Variants in FUNDC2 observed in about 807,000 individuals in gnomAD.
FUNDC2 encodes FUN14 domain-containing protein 2.
FUNDC2 carries 4 observed loss-of-function variants against 15.6 expected under a neutral mutation model. That is an observed-to-expected ratio of 0.26 (90% CI 0.13 to 0.59). The LOEUF is 0.59. FUNDC2 is among the 20% of genes least tolerant of loss of function. FUNDC2 has a pLI of 0.90. For synonymous variants in FUNDC2, 44 were observed against 56.9 expected (o/e 0.77, Z 1.02); for missense variants, 98 against 149.7 (o/e 0.65, Z 1.80).
intron 2 of FUNDC2, among the ~76,000 whole-genome samples, chrX:155,034,787 G>A (rs974570357): frequency 8.9e-6 from 1 of 111,983 alleles, no homozygotes; most frequent in Non-Finnish European, 1.9e-5. Context: ...GTATTTCATG[G>A]TGGCTTCATT....
intron 3 of FUNDC2, chrX:155,051,391 C>T (rs965066932): frequency 1.1e-5 from 3 of 266,648 alleles, no homozygotes; most frequent in Non-Finnish European, 2.0e-5. Context: ...CTTGACCCCC[C>T]ACCTTGATTT....
At chrX:155,028,213 T>C (rs1478410071) in intron 1 of FUNDC2, among the ~76,000 whole-genome samples, 2 of 108,483 alleles carry the variant, frequency 1.8e-5, no homozygotes, top group African/African-American at 6.9e-5. Flanking sequence ...ACATAATAAC[T>C]GTGATCATTG....
At position 155,055,632 on chromosome X, in the gene FUNDC2, A is replaced by G. The variant is rs1479476418; in HGVS notation, c.*960A>G. 1.1e-5 allele frequency: 2 copies of G among 180,055 alleles called. No homozygotes were observed. Among genetic ancestry groups the G allele is most frequent in the Non-Finnish European group, 1.0e-5 (1 of 97,852 alleles). The allele number at this position is 180,055 out of a possible 1,213,427, so 14.8% of individuals were successfully genotyped here. A position where few individuals can be genotyped will look rare whatever the true frequency, so the allele number is the denominator to read the frequency against. On this transcript the variant is annotated 3_prime_UTR_variant, in exon 5 of 5. Transcript: ENST00000369498. Reference sequence around the variant, plus strand: ...TTATTCTTTAAAAGCTTACACACACACACACACACGGGCACACACGCACAC... The same window carrying G: ...TTATTCTTTAAAAGCTTACACACACGCACACACACGGGCACACACGCACAC...
rs782479441 is a variant in FUNDC2, at chrX:155,031,481, C to T, written c.134-1922C>T. Among the ~76,000 whole-genome samples, 15 of 111,766 alleles carry T rather than the reference C, an allele frequency of 1.3e-4. No individual in the cohort carries two copies. The South Asian group carries it at 5.6e-3, about 42-fold the overall frequency. On this transcript the variant is annotated intron_variant, in intron 1 of 4. Transcript: ENST00000369498. ...AGTAGCTGGGACTACAGGCACATGC[C>T]ACCACGCCCAGCTAATTTTTGTATT...
chrX:155,049,450 A>C (rs781989820), intron 3 of FUNDC2: 16 of 112,995 alleles, frequency 1.4e-4, no homozygotes, highest in East Asian at 5.5e-4. Context: ...CTGTGTGTCT[A>C]TCTCTTCTTC....
chrX:155,046,996 T>A, intron 3 of FUNDC2: 1 of 209,247 alleles, frequency 4.8e-6, no homozygotes, highest in Non-Finnish European at 8.9e-6. Context: ...GACAGTACAG[T>A]CAGATGTCGT....
chrX:155,029,305 A>G (rs1557288525), intron 1 of FUNDC2, among the ~76,000 whole-genome samples: 1 of 112,250 alleles, frequency 8.9e-6, no homozygotes, highest in African/African-American at 3.2e-5. Flanking sequence ...GCTGTGGCTG[A>G]ATTCCTGATC....
At chrX:155,046,369 C>G (rs2073862484) in intron 2 of FUNDC2, 140 bp from the exon 3 acceptor site, 1 of 520,063 alleles carries the variant, frequency 1.9e-6, no homozygotes, top group African/African-American at 2.3e-5. Flanking sequence ...TGTCATGCTC[C>G]TCTTGGGGCT....
rs2124205425 is a variant in FUNDC2, at chrX:155,058,046, G to A, written c.*3374G>A. 9.0e-6 allele frequency: 1 copy of A among 111,042 alleles called. No homozygotes were observed. Among genetic ancestry groups the A allele is most frequent in the East Asian group, 2.8e-4 (1 of 3,512 alleles). The allele number at this position is 111,042 out of a possible 1,213,427, so 9.2% of individuals were successfully genotyped here. ...TGCCATTGTGATAATATGTTAGCAT[G>A]ACTCTCCTCCCAAATGGCCGCTTGT... On this transcript the variant is annotated 3_prime_UTR_variant, in exon 5 of 5. Transcript: ENST00000369498.
Position 155,056,200 on chromosome X carries a change from C to T in FUNDC2, c.*1528C>T, listed in dbSNP as rs1175690713. The T allele has an allele frequency of 8.9e-5, 10 of 111,804 alleles. No individual in the cohort carries two copies. The highest frequency in any genetic ancestry group is 2.6e-4 in the African/African-American group (8 of 30,742). 9.2% of individuals were successfully genotyped at this position (111,804 alleles called of 1,213,427 possible). A position where few individuals can be genotyped will look rare whatever the true frequency, so the allele number is the denominator to read the frequency against. ...AAAGTAGAGAATATAGTACAATAAT[C>T]CCCCTGTGTATCTATCACTCACTCA... On this transcript the variant is annotated 3_prime_UTR_variant, in exon 5 of 5. Transcript: ENST00000369498.
At chrX:155,039,512 C>T (rs781975346) in intron 2 of FUNDC2, among the ~76,000 whole-genome samples, 1 of 112,187 alleles carries the variant, frequency 8.9e-6, no homozygotes, top group African/African-American at 3.2e-5. Context: ...TAATCTGTTT[C>T]CAGTTGATTT....
chrX:155,040,705 C>A (rs1287098441), intron 2 of FUNDC2, among the ~76,000 whole-genome samples: 1 of 111,138 alleles, frequency 9.0e-6, no homozygotes, highest in African/African-American at 3.3e-5. Flanking sequence ...TGTATATACC[C>A]AGGAGTGGAA....
intron 2 of FUNDC2, among the ~76,000 whole-genome samples, chrX:155,045,280 A>G (rs1338803420): frequency 1.8e-5 from 2 of 111,976 alleles, no homozygotes; most frequent in African/African-American, 6.5e-5. Context: ...GAGAGATCCA[A>G]TGTACAGCAT....
At chrX:155,029,700 A>G (rs979048788) in intron 1 of FUNDC2, among the ~76,000 whole-genome samples, 1 of 105,808 alleles carries the variant, frequency 9.5e-6, no homozygotes, top group Non-Finnish European at 1.9e-5. Context: ...GGTTGTGGTG[A>G]GCCGAGATTG....
rs781959594 is a variant in FUNDC2 at position 155,056,732 on chromosome X, T to C, written c.*2060T>C. The C allele has an allele frequency of 1.5e-4, 17 of 110,984 alleles. No individual in the cohort carries two copies. Among genetic ancestry groups the C allele is most frequent in the African/African-American group, 5.2e-4 (16 of 30,620 alleles). The allele number at this position is 110,984 out of a possible 1,213,427, so 9.1% of individuals were successfully genotyped here. On this transcript the variant is annotated 3_prime_UTR_variant, in exon 5 of 5. Coordinates refer to ENST00000369498, the MANE Select transcript of FUNDC2 (RefSeq NM_023934.4). ...AGCAATGGGATGGTAACAGCAAAGC[T>C]AACCAAAGTGCTCTGTGCCCCTTTG...
chrX:155,038,157 G>A (rs1306841436), intron 2 of FUNDC2, among the ~76,000 whole-genome samples: 1 of 110,121 alleles, frequency 9.1e-6, no homozygotes, highest in Admixed American at 9.7e-5. Flanking sequence ...AACCTGGGAG[G>A]GGGAGGTTGT....
chrX:155,050,694 G>A (rs1451322257), intron 3 of FUNDC2: 8 of 111,717 alleles, frequency 7.2e-5, no homozygotes, highest in African/African-American at 2.6e-4. Flanking sequence ...AGGTACTATG[G>A]CTTGATTACT....
chrX:155,029,426 A>G (rs926920111), intron 1 of FUNDC2, among the ~76,000 whole-genome samples: 6 of 112,018 alleles, frequency 5.4e-5, no homozygotes, highest in African/African-American at 1.9e-4. Flanking sequence ...GTATCTTCAT[A>G]TGAATTTTAG....
rs1435136620 is a variant in FUNDC2 at position 155,042,296 on chromosome X, C to T, written c.285-4213C>T. Among the ~76,000 whole-genome samples, 6 of 98,026 alleles carry T rather than the reference C, an allele frequency of 6.1e-5. No homozygotes were observed. The East Asian group carries it at 1.7e-3, about 28-fold the overall frequency. 85.1% of individuals were successfully genotyped at this position (98,026 alleles called of 115,157 possible). A position where few individuals can be genotyped will look rare whatever the true frequency, so the allele number is the denominator to read the frequency against. Reference sequence around the variant, plus strand: ...CCACCTTCCAGGTTCAGGTGATTCTCGTGCCTCAGCCTGTGGAGTAGCTGG... The same window carrying T: ...CCACCTTCCAGGTTCAGGTGATTCTTGTGCCTCAGCCTGTGGAGTAGCTGG... On this transcript the variant is annotated intron_variant, in intron 2 of 4. Transcript: ENST00000369498.
Sources: gnomAD v4.1 joint callset for allele counts (sites outside exome capture counted in the v4.1 genomes callset) on GRCh38, gnomAD v4.1.1 for gene constraint, MANE v1.5 for transcripts, NCBI Gene and HGNC (gene_info 2026-07-23, HGNC 2026-07-21) for gene names.